Variants in GPHN observed in about 807,000 individuals in gnomAD.
GPHN encodes gephyrin.
Under a neutral mutation model 95.5 loss-of-function variants are expected in GPHN, and 17 were observed. The ratio of observed to expected loss-of-function variants is 0.18; its 90% CI spans 0.12 to 0.27. GPHN has a LOEUF of 0.27. Among genes scored for constraint, GPHN ranks in the 10% least tolerant of loss-of-function variants. The pLI is 1.00. For synonymous variants in GPHN, 320 were observed against 322.5 expected, an observed-to-expected ratio of 0.99 and a Z score of 0.08; for missense variants, 660 against 978.1, an observed-to-expected ratio of 0.67 and a Z score of 4.34.
the GPHN span, among the ~76,000 whole-genome samples, chr14:67,565,666 G>C: frequency 6.6e-6 from 1 of 152,164 alleles, no homozygotes; most frequent in Non-Finnish European, 1.5e-5. Context: ...ATGCTGCTGG[G>C]GTGTGTAGCA....
intron 3 of GPHN, among the ~76,000 whole-genome samples, chr14:66,810,454 A>C (rs2060714068): frequency 1.3e-5 from 2 of 151,984 alleles, no homozygotes; most frequent in South Asian, 4.2e-4. Flanking sequence ...AGCTATATTC[A>C]TCATGGAAAA....
At chr14:67,350,226 A>AT in the GPHN span, among the ~76,000 whole-genome samples, 231 of 152,338 alleles carry the variant, frequency 1.5e-3, 1 homozygote, top group African/African-American at 5.5e-3. Context: ...ACAAAAATAC[A>AT]TATGTGTAAA....
At chr14:67,067,071 T>C (rs1358624103) in intron 11 of GPHN, among the ~76,000 whole-genome samples, 3 of 151,964 alleles carry the variant, frequency 2.0e-5, no homozygotes, top group Non-Finnish European at 4.4e-5. Context: ...TGTGGTTTTA[T>C]CTACCTTTGG....
the GPHN span, among the ~76,000 whole-genome samples, chr14:67,655,661 A>G: frequency 6.6e-6 from 1 of 152,226 alleles, no homozygotes; most frequent in Non-Finnish European, 1.5e-5. Context: ...ATAACAGGAT[A>G]TAAGCAGATG....
chr14:67,353,021 C>G, the GPHN span: 2 of 1,613,564 alleles, frequency 1.2e-6, no homozygotes, highest in East Asian at 2.2e-5. Flanking sequence ...TTTAAACGAG[C>G]CTTCATGATG....
chr14:67,180,795 T>A lies in GPHN; in HGVS notation c.2177-9T>A. 1.9e-6 allele frequency: 3 copies of A among 1,613,076 alleles called. No individual in the cohort carries two copies. The South Asian group carries it at 3.3e-5, about 18-fold the overall frequency. On this transcript the variant is annotated splice_polypyrimidine_tract_variant and intron_variant, in intron 22 of 22. Coordinates refer to ENST00000478722, the MANE Select transcript of GPHN (RefSeq NM_020806.5). The stretch of plus-strand genomic sequence containing the variant: ...CTTATGCTGCTGTAATAAGAGTATT[T>A]CTTTCTAGGTAATCAAATGAGCAGC...
intron 13 of GPHN, among the ~76,000 whole-genome samples, chr14:67,101,541 C>A (rs1036983088): frequency 1.3e-5 from 2 of 150,980 alleles, no homozygotes; most frequent in Non-Finnish European, 3.0e-5. Context: ...GATGAAGAAC[C>A]AAGGTCTTCC....
the GPHN span, among the ~76,000 whole-genome samples, chr14:67,257,004 C>T: frequency 9.1e-3 from 1,379 of 152,150 alleles, 25 homozygotes; most frequent in African/African-American, 0.032. Context: ...CCAAGGTGAT[C>T]GGGGTACAGC....
At chr14:66,981,302 C>T (rs1000386999) in intron 9 of GPHN, among the ~76,000 whole-genome samples, 3 of 151,846 alleles carry the variant, frequency 2.0e-5, no homozygotes, top group Non-Finnish European at 4.4e-5. Context: ...TTCCTTTATA[C>T]TTATCTTAAT....
chr14:67,062,964 C>T (rs1373191607), intron 11 of GPHN, among the ~76,000 whole-genome samples: 1 of 152,130 alleles, frequency 6.6e-6, no homozygotes, highest in African/African-American at 2.4e-5. Context: ...GTTGCCATTG[C>T]TTTTTGTGCT....
the GPHN span, among the ~76,000 whole-genome samples, chr14:67,402,307 T>C: frequency 6.6e-6 from 1 of 152,208 alleles, no homozygotes; most frequent in Non-Finnish European, 1.5e-5. Flanking sequence ...GGGTACATAA[T>C]AAGTATATAT....
At chr14:67,338,586 T>A in the GPHN span, 1 of 1,602,826 alleles carries the variant, frequency 6.2e-7, no homozygotes, top group Middle Eastern at 1.7e-4. Context: ...ATGAAGCCAG[T>A]GTTAGGGTTT....
chr14:67,713,942 C>A, the GPHN span, among the ~76,000 whole-genome samples: 1 of 152,044 alleles, frequency 6.6e-6, no homozygotes, highest in East Asian at 1.9e-4. Context: ...AAGAGGCAAC[C>A]AGATATGCAT....
chr14:66,609,868 G>T (rs1014170796), intron 1 of GPHN, among the ~76,000 whole-genome samples: 7 of 152,014 alleles, frequency 4.6e-5, no homozygotes, highest in African/African-American at 1.7e-4. Flanking sequence ...CCTTGAATTG[G>T]TTTCACCTTT....
chr14:66,589,409 C>G (rs1204203500), intron 1 of GPHN, among the ~76,000 whole-genome samples: 1 of 152,050 alleles, frequency 6.6e-6, no homozygotes, highest in Non-Finnish European at 1.5e-5. Context: ...TGTAAACAGG[C>G]TAAATGCCCC....
At chr14:66,686,502 C>T (rs1333854284) in intron 2 of GPHN, among the ~76,000 whole-genome samples, 2 of 152,134 alleles carry the variant, frequency 1.3e-5, no homozygotes, top group African/African-American at 2.4e-5. Flanking sequence ...ATTTTATTCT[C>T]TTTGTAGCAA....
chr14:66,976,321 T>A (rs2070217679), intron 9 of GPHN, among the ~76,000 whole-genome samples: 2 of 152,214 alleles, frequency 1.3e-5, no homozygotes, highest in African/African-American at 4.8e-5. Flanking sequence ...TCAGTATAAT[T>A]AAATAGCTTT....
chr14:67,696,348 G>A, the GPHN span, among the ~76,000 whole-genome samples: 153 of 152,292 alleles, frequency 1.0e-3, 2 homozygotes, highest in Admixed American at 2.5e-3. Flanking sequence ...GAAATGAAAG[G>A]CGGATTAGAC....
At chr14:67,627,133 T>C in the GPHN span, among the ~76,000 whole-genome samples, 40 of 152,214 alleles carry the variant, frequency 2.6e-4, no homozygotes, top group African/African-American at 8.9e-4. Context: ...GTAGTGTCGA[T>C]GGCTGCACAA....
Sources: gnomAD v4.1 joint callset for allele counts (sites outside exome capture counted in the v4.1 genomes callset) on GRCh38, gnomAD v4.1.1 for gene constraint, MANE v1.5 for transcripts, NCBI Gene and HGNC (gene_info 2026-07-23, HGNC 2026-07-21) for gene names.